ACTR10: variants seen among roughly 807,000 people sequenced by gnomAD.
ACTR10 encodes the protein actin related protein 10, also known as actin-related protein 10.
In ACTR10, 43 loss-of-function variants were observed where a neutral mutation model predicts 56.2. That is an observed-to-expected ratio of 0.77 (90% CI 0.60 to 0.99). The LOEUF is 0.99. Among genes scored for constraint, ACTR10 ranks in the 50% least tolerant of loss-of-function variants. The pLI, the probability that ACTR10 is intolerant of heterozygous loss-of-function variation, is 0.00. For synonymous variants in ACTR10, 170 were observed against 176.3 expected (o/e 0.96, Z 0.28); for missense variants, 466 against 507.8 (o/e 0.92, Z 0.79).
At position 58,223,846 on chromosome 14, in the gene ACTR10, G is replaced by C. The variant is rs1566628954; in HGVS notation, c.778G>C (p.Gly260Arg). 6.2e-7 allele frequency: 1 copy of C among 1,611,280 alleles called. No homozygotes were observed. Among genetic ancestry groups the C allele is most frequent in the Non-Finnish European group, 8.5e-7 (1 of 1,178,218 alleles). ...TGGAGAGAAGATTTTACATATCCTT[G>C]GATCAATCAGGTTAGATCTTAAATT... ...LDGEKILHILGSIRDSVVEIL... is the reference protein window; with the variant it reads ...LDGEKILHILRSIRDSVVEIL... The change falls in exon 10 of 13, where the codon GGA becomes CGA. Residue 260 changes from glycine to arginine, a missense_variant. Gly to Arg is a moderately radical substitution (Grantham distance 125, BLOSUM62 -2). Transcript: ENST00000254286.
chr14:58,210,375 A>G (rs191710092), intron 4 of ACTR10, among the ~76,000 whole-genome samples: 1 of 152,126 alleles, frequency 6.6e-6, no homozygotes, highest in Non-Finnish European at 1.5e-5. Flanking sequence ...ATGCACCTGT[A>G]GTCCCAGCTA....
At chr14:58,212,825 A>G (rs1215733656) in intron 5 of ACTR10, among the ~76,000 whole-genome samples, 1 of 152,222 alleles carries the variant, frequency 6.6e-6, no homozygotes, top group Non-Finnish European at 1.5e-5. Context: ...TATGCAATTT[A>G]GAGTGTTCTA....
At chr14:58,215,327 T>C (rs1455002949) in intron 7 of ACTR10, 43 bp downstream of exon 7, 1 of 1,276,124 alleles carries the variant, frequency 7.8e-7, no homozygotes, top group East Asian at 2.3e-5. Context: ...TACACTCTCT[T>C]TTTGTTCTTC....
intron 12 of ACTR10, among the ~76,000 whole-genome samples, chr14:58,232,736 A>C (rs1451423010): frequency 6.6e-6 from 1 of 151,640 alleles, no homozygotes; most frequent in African/African-American, 2.4e-5. Flanking sequence ...AATTGTATTA[A>C]TTTTCAGAAT....
chr14:58,232,560 C>T (rs551905481), intron 12 of ACTR10, among the ~76,000 whole-genome samples: 7 of 151,738 alleles, frequency 4.6e-5, no homozygotes, highest in African/African-American at 1.2e-4. Context: ...GGACTGCAGG[C>T]GTGCACCACC....
In ACTR10 at chr14:58,208,037, T is replaced by G. The variant is rs772069826; in HGVS notation, c.233+19T>G. ...ATTTCAGGTAAGATACATTTTGTTT[T>G]CTAGCTTTTATGATTAGATAGATTT... On this transcript the variant is annotated intron_variant, in intron 3 of 12. Transcript: ENST00000254286. 4.7e-6 allele frequency: 7 copies of G among 1,499,512 alleles called. No homozygotes were observed. Among genetic ancestry groups the G allele is most frequent in the Non-Finnish European group, 6.2e-6 (7 of 1,131,480 alleles). 92.9% of individuals were successfully genotyped at this position (1,499,512 alleles called of 1,614,324 possible).
chr14:58,226,945 T>A (rs932649478), intron 10 of ACTR10, among the ~76,000 whole-genome samples: 33 of 152,132 alleles, frequency 2.2e-4, no homozygotes, highest in Non-Finnish European at 7.4e-5. Flanking sequence ...TGAAACCTTC[T>A]AATTAGACAC....
intron 7 of ACTR10, among the ~76,000 whole-genome samples, chr14:58,217,598 G>A (rs1365386594): frequency 6.6e-6 from 1 of 151,740 alleles, no homozygotes; most frequent in East Asian, 1.9e-4. Context: ...CCTGGGAGGC[G>A]GAGATTGCAG....
rs557017236 is a variant in ACTR10 at position 58,209,047 on chromosome 14, G to A, written c.282G>A (p.Ser94=). ...ACCGCCGAGTTGTGATTATCGAATC[G>A]GTATTATGTCCTTCTCACTTCAGAG... ...PRDRRVVIIE[S]VLCPSHFRET... Residue 94 remains serine (S), a synonymous_variant, in exon 4 of 13, where the codon TCG becomes TCA. Transcript: ENST00000254286. 9.9e-6 allele frequency: 16 copies of A among 1,612,312 alleles called. No individual in the cohort carries two copies. The East Asian group carries it at 1.8e-4, about 18-fold the overall frequency.
intron 8 of ACTR10, among the ~76,000 whole-genome samples, chr14:58,221,076 G>A (rs1470102644): frequency 1.3e-5 from 2 of 151,950 alleles, no homozygotes; most frequent in Admixed American, 6.6e-5. Flanking sequence ...GAGGTCAAAA[G>A]ATCGAGACCA....
chr14:58,211,500 G>A, intron 5 of ACTR10, 101 bp downstream of exon 5: 2 of 817,466 alleles, frequency 2.4e-6, no homozygotes, highest in Non-Finnish European at 4.0e-6. Flanking sequence ...GAACTATTTT[G>A]GGTTACTATG....
At chr14:58,222,920 C>G (rs2140057997) in intron 8 of ACTR10, among the ~76,000 whole-genome samples, 1 of 151,826 alleles carries the variant, frequency 6.6e-6, no homozygotes, top group East Asian at 1.9e-4. Context: ...GAAAGAAAAT[C>G]TGGTTTAAAG....
rs181176351 is a variant in ACTR10, at chr14:58,228,796, A to T, written c.789-1603A>T. Among the ~76,000 whole-genome samples the T allele has an allele frequency of 1.8e-3, 257 of 141,492 alleles. 1 individual carries two copies. The highest frequency in any genetic ancestry group is 8.7e-3 in the Admixed American group (109 of 12,504). The allele number at this position is 141,492 out of a possible 152,430, so 92.8% of individuals were successfully genotyped here. A position where few individuals can be genotyped will look rare whatever the true frequency, so the allele number is the denominator to read the frequency against. On this transcript the variant is annotated intron_variant, in intron 10 of 12. Coordinates refer to ENST00000254286, the MANE Select transcript of ACTR10 (RefSeq NM_018477.3). The stretch of plus-strand genomic sequence containing the variant: ...TCAAGCCATTCCCCTGCTCTGCCTC[A>T]GCCTCCTGAAATGCTGGGATTATAG...
intron 8 of ACTR10, among the ~76,000 whole-genome samples, chr14:58,222,722 G>T (rs756832090): frequency 4.3e-5 from 6 of 138,092 alleles, no homozygotes; most frequent in African/African-American, 8.2e-5. Context: ...CCGAGATCAC[G>T]CCACTGCACT....
chr14:58,227,138 C>A (rs1889422555), intron 10 of ACTR10, among the ~76,000 whole-genome samples: 1 of 150,906 alleles, frequency 6.6e-6, no homozygotes, highest in South Asian at 2.1e-4. Context: ...ATTATATAAA[C>A]CAGTAATTCA....
At chr14:58,228,934 T>A (rs1409777720) in intron 10 of ACTR10, among the ~76,000 whole-genome samples, 1 of 151,968 alleles carries the variant, frequency 6.6e-6, no homozygotes. Flanking sequence ...TTTTTTTATT[T>A]TCAAATCCTA....
At chr14:58,231,999 T>A in intron 11 of ACTR10, 67 bp from the exon 12 acceptor site, 1 of 999,658 alleles carries the variant, frequency 1.0e-6, no homozygotes, top group African/African-American at 1.6e-5. Flanking sequence ...GTATATTTTC[T>A]TAAGTTCAAT....
At chr14:58,208,899 T>TA (rs1888928515) in intron 3 of ACTR10, 100 bp from the exon 4 acceptor site, 2 of 713,262 alleles carry the variant, frequency 2.8e-6, no homozygotes, top group Non-Finnish European at 4.8e-6. Flanking sequence ...TGATAAAATA[T>TA]CTTAAGCTAA....
intron 10 of ACTR10, 116 bp downstream of exon 10, chr14:58,223,972 G>T (rs1368317032): frequency 1.4e-5 from 11 of 800,944 alleles, no homozygotes; most frequent in Non-Finnish European, 2.2e-5. Flanking sequence ...AGTGTTTATT[G>T]TTAAGCCTCA....
Sources: gnomAD v4.1 joint callset for allele counts (sites outside exome capture counted in the v4.1 genomes callset) on GRCh38, gnomAD v4.1.1 for gene constraint, MANE v1.5 for transcripts, NCBI Gene and HGNC (gene_info 2026-07-23, HGNC 2026-07-21) for gene names.